Variants in CTSB observed in about 807,000 individuals in gnomAD.
The protein encoded by CTSB is APP secretase.
A neutral mutation model predicts 44.3 loss-of-function variants in CTSB; 57 were observed. The ratio of observed to expected loss-of-function variants is 1.29; its 90% CI spans 1.04 to 1.60. The LOEUF (loss-of-function observed/expected upper bound fraction) is 1.60, where lower values mean the gene tolerates loss of function less well. Among genes scored for constraint, CTSB ranks in the 40% most tolerant of loss-of-function variants. The pLI, the probability that CTSB is intolerant of heterozygous loss-of-function variation, is 0.00. For missense variants in CTSB, 768 were observed against 443.0 expected (o/e 1.73, Z -6.59); for synonymous variants, 320 against 168.0 (o/e 1.91, Z -7.00).
rs765313053 is a variant in CTSB, at chr8:11,853,401, C to T, written c.54G>A (p.Arg18=). The T allele has an allele frequency of 6.2e-7, 1 of 1,612,848 alleles. No individual in the cohort carries two copies. The highest frequency in any genetic ancestry group is 8.5e-7 in the Non-Finnish European group (1 of 1,179,800). Residue 18 remains arginine (R), a synonymous_variant, in exon 2 of 10, where the codon CGG becomes CGA. Coordinates refer to ENST00000353047, the MANE Select transcript of CTSB (RefSeq NM_001908.5). ...LCCLLVLANA[R]SRPSFHPLSD... is the part of the protein sequence containing the mutation. ...ACAGGGGATGGAAAGAGGGCCTGCT[C>T]CGGGCATTGGCCAACACCAGCAGGC...
Position 11,844,113 on chromosome 8 carries a change from A to G in CTSB, c.*1012T>C, listed in dbSNP as rs1812776253. ...GCAAGCTTACCAGGCACTTACAGAG[A>G]AGGTTGACGAGGATGACAGGGAACT... On this transcript the variant is annotated 3_prime_UTR_variant, in exon 10 of 10. Transcript: ENST00000353047. 1 of 152,238 alleles carries G rather than the reference A, an allele frequency of 6.6e-6. No homozygotes were observed. Among genetic ancestry groups the G allele is most frequent in the Non-Finnish European group, 1.5e-5 (1 of 68,034 alleles). 9.4% of individuals were successfully genotyped at this position (152,238 alleles called of 1,614,324 possible).
At position 11,850,659 on chromosome 8, in the gene CTSB, G is replaced by A; in HGVS notation, c.327+207C>T. On this transcript the variant is annotated intron_variant, in intron 4 of 9. Transcript: ENST00000353047. ...ACCTGTACACGTGGACTTGCAATCT[G>A]CTGGATGCTCTGCCCGCCACTCCAC... is the stretch of plus-strand genomic sequence containing the variant. 1.1e-5 allele frequency: 5 copies of A among 456,680 alleles called. No individual in the cohort carries two copies. In the South Asian group the frequency reaches 1.5e-4, roughly 14 times the overall value. 28.3% of individuals were successfully genotyped at this position (456,680 alleles called of 1,614,324 possible).
rs1284649535 is a variant in CTSB at position 11,848,935 on chromosome 8, C to T, written c.446+111G>A. ...CCAGACTCTCGGAGTCTCCCCGAAA[C>T]ACTTCTGACTCGCAGCAGTCCCAGG... On this transcript the variant is annotated intron_variant, in intron 5 of 9. Coordinates refer to ENST00000353047, the MANE Select transcript of CTSB (RefSeq NM_001908.5). 3 of 741,932 alleles carry T rather than the reference C, an allele frequency of 4.0e-6. No individual in the cohort carries two copies. In the African/African-American group the frequency reaches 5.2e-5, roughly 13 times the overall value. The allele number at this position is 741,932 out of a possible 1,614,324, so 46.0% of individuals were successfully genotyped here.
chr8:11,848,469 C>T, intron 5 of CTSB: 1 of 449,170 alleles, frequency 2.2e-6, no homozygotes, highest in Non-Finnish European at 4.2e-6. Context: ...TGAGCAGACG[C>T]TAAACTTCCC....
intron 1 of CTSB, among the ~76,000 whole-genome samples, chr8:11,866,328 G>T (rs1817144512): frequency 1.3e-5 from 2 of 152,212 alleles, no homozygotes; most frequent in Admixed American, 6.5e-5. Context: ...TTGGAAACAG[G>T]GCTGTCCTGA....
chr8:11,865,216 A>T (rs924245037), intron 1 of CTSB, among the ~76,000 whole-genome samples: 1 of 151,232 alleles, frequency 6.6e-6, no homozygotes, highest in African/African-American at 2.5e-5. Context: ...TCAACCGCAC[A>T]TGTTTCCAAT....
intron 1 of CTSB, chr8:11,857,941 C>G (rs953931065): frequency 6.6e-6 from 1 of 152,382 alleles, no homozygotes; most frequent in African/African-American, 2.4e-5. Flanking sequence ...CGCCAGCGTG[C>G]TGCAACCGGA....
chr8:11,858,686 A>T (rs1168153433), intron 1 of CTSB, among the ~76,000 whole-genome samples: 1 of 152,214 alleles, frequency 6.6e-6, no homozygotes, highest in East Asian at 1.9e-4. Context: ...AAAAAGTGTC[A>T]AGCCAAACAC....
chr8:11,850,446 GAAAA>G (rs1449688885), intron 4 of CTSB, among the ~76,000 whole-genome samples: 304 of 125,926 alleles, frequency 2.4e-3, no homozygotes, highest in Non-Finnish European at 4.1e-3. Flanking sequence ...AAAAAAGAAA[GAAAA>G]AGAAAACAAA....
chr8:11,856,354 G>A (rs752395681), intron 1 of CTSB, among the ~76,000 whole-genome samples: 3 of 152,144 alleles, frequency 2.0e-5, no homozygotes, highest in Non-Finnish European at 4.4e-5. Flanking sequence ...TTAGTTGGTG[G>A]GGCACGGTGG....
At position 11,843,677 on chromosome 8, in the gene CTSB, C is replaced by G. The variant is rs898583477; in HGVS notation, c.*1448G>C. The G allele has an allele frequency of 1.3e-5, 2 of 152,236 alleles. No homozygotes were observed. Among genetic ancestry groups the G allele is most frequent in the African/African-American group, 4.8e-5 (2 of 41,462 alleles). The allele number at this position is 152,236 out of a possible 1,614,324, so 9.4% of individuals were successfully genotyped here. ...GTAGCATCTTGGTTATGTGAGATCA[C>G]CAAGACACCAAGCCTGTTTTATGAG... On this transcript the variant is annotated 3_prime_UTR_variant, in exon 10 of 10. Transcript: ENST00000353047.
intron 1 of CTSB, chr8:11,854,774 C>G (rs1815233225): frequency 6.6e-6 from 1 of 152,408 alleles, no homozygotes; most frequent in Non-Finnish European, 1.5e-5. Flanking sequence ...AGCCACCGCA[C>G]CCAGCCAGTG....
chr8:11,862,231 C>G (rs1816543911), intron 1 of CTSB: 1 of 151,446 alleles, frequency 6.6e-6, no homozygotes, highest in African/African-American at 2.4e-5. Context: ...AAAGAAAGGC[C>G]TAGCTCTTGG....
At position 11,845,108 on chromosome 8, in the gene CTSB, G is replaced by T. The variant is rs528794658; in HGVS notation, c.*17C>A. The T allele has an allele frequency of 1.9e-6, 3 of 1,579,186 alleles. No individual in the cohort carries two copies. The East Asian group carries it at 6.7e-5, about 35-fold the overall frequency. ...CCGATCTCGCCCCCAGGACTGGCAC[G>T]ACAGGCCCACGGCAGATTAGATCTT... On this transcript the variant is annotated 3_prime_UTR_variant, in exon 10 of 10. Coordinates refer to ENST00000353047, the MANE Select transcript of CTSB (RefSeq NM_001908.5).
chr8:11,845,329 G>A, intron 9 of CTSB, 107 bp from the exon 10 acceptor site: 1 of 858,936 alleles, frequency 1.2e-6, no homozygotes, highest in Non-Finnish European at 1.9e-6. Context: ...CACTCCTGCT[G>A]TTGGCCCACT....
rs760100170 is a variant in CTSB at position 11,852,735 on chromosome 8, A to G, written c.127-40T>C. 1.1e-5 allele frequency: 17 copies of G among 1,575,144 alleles called. No homozygotes were observed. In the East Asian group the frequency reaches 1.6e-4, roughly 15 times the overall value. On this transcript the variant is annotated intron_variant, in intron 2 of 9. Transcript: ENST00000353047. Reference sequence around the variant, plus strand: ...CCCACTGACTGAAGGGTCTCCCGGGATGGCGGTGGATGGGCACGCTGCCCA... The same window carrying G: ...CCCACTGACTGAAGGGTCTCCCGGGGTGGCGGTGGATGGGCACGCTGCCCA...
chr8:11,861,430 G>A (rs899811176), intron 1 of CTSB: 12 of 152,352 alleles, frequency 7.9e-5, no homozygotes, highest in African/African-American at 2.9e-4. Context: ...TGCAAACCAG[G>A]TACTGCAGGC....
rs767435997 is a variant in CTSB, at chr8:11,850,963, T to G, written c.230A>C (p.Asp77Ala). 1 of 1,612,550 alleles carries G rather than the reference T, an allele frequency of 6.2e-7. No individual in the cohort carries two copies. Among genetic ancestry groups the G allele is most frequent in the South Asian group, 1.1e-5 (1 of 90,914 alleles). Residue 77 changes from aspartate (D) to alanine (A), a missense_variant, in exon 4 of 10, where the codon GAC becomes GCC. Physicochemically the swap from Asp to Ala is moderately radical, Grantham distance 126 (BLOSUM62 -2). Coordinates refer to ENST00000353047, the MANE Select transcript of CTSB (RefSeq NM_001908.5). ...ATCGAAGCTTGCAGGCAGCTTCAGG[T>G]CCTCGGTAAACATAACTCTGGATAA... ...KPPQRVMFTE[D>A]LKLPASFDAR...
Position 11,853,585 on chromosome 8 carries a change from C to G in CTSB, c.-25-106G>C, listed in dbSNP as rs1814996087. The G allele has an allele frequency of 5.2e-6, 6 of 1,151,920 alleles. No individual in the cohort carries two copies. In the African/African-American group the frequency reaches 6.4e-5, roughly 12 times the overall value. The allele number at this position is 1,151,920 out of a possible 1,614,324, so 71.4% of individuals were successfully genotyped here. ...ATCAGTGGGGACCCCCATGCTCGTC[C>G]TGGCCCAGGCGGAGAACTCTTAAGG... On this transcript the variant is annotated intron_variant, in intron 1 of 9. Coordinates refer to ENST00000353047, the MANE Select transcript of CTSB (RefSeq NM_001908.5).
Sources: allele counts gnomAD v4.1 joint callset (sites outside exome capture counted in the v4.1 genomes callset), GRCh38; gene constraint gnomAD v4.1.1; transcripts MANE v1.5; gene names NCBI Gene and HGNC (gene_info 2026-07-23, HGNC 2026-07-21).